LARP4B: variants seen among roughly 807,000 people sequenced by gnomAD.
LARP4B encodes la-related protein 4B.
LARP4B carries 12 observed loss-of-function variants against 89.8 expected under a neutral mutation model. The observed-to-expected ratio is 0.13, with a 90% CI of 0.09 to 0.22. The LOEUF is 0.22. LARP4B is among the 10% of genes least tolerant of loss of function. LARP4B has a pLI of 1.00. For synonymous variants in LARP4B, 367 were observed against 363.3 expected (o/e 1.01, Z -0.12); for missense variants, 757 against 947.7 (o/e 0.80, Z 2.64).
chr10:887,001 C>T (rs1436599572), intron 1 of LARP4B, among the ~76,000 whole-genome samples: 3 of 152,092 alleles, frequency 2.0e-5, no homozygotes, highest in African/African-American at 7.2e-5. Flanking sequence ...GCACAAGAAT[C>T]GCTTGAACCC....
At position 872,950 on chromosome 10, in the gene LARP4B, C is replaced by T. The variant is rs761963974; in HGVS notation, c.142-8680G>A. On this transcript the variant is annotated intron_variant, in intron 3 of 17. Coordinates refer to ENST00000316157, the MANE Select transcript of LARP4B (RefSeq NM_015155.3). ...CAGACCCTGCGAAAATCCTTGTCCGCGCGCTAACGCCAGCTACACTGCTGG... is the reference window on the plus strand; with the variant it reads ...CAGACCCTGCGAAAATCCTTGTCCGTGCGCTAACGCCAGCTACACTGCTGG... The T allele has an allele frequency of 1.7e-5, 15 of 877,868 alleles. No homozygotes were observed. In the South Asian group the frequency reaches 4.2e-4, roughly 24 times the overall value. 54.4% of individuals were successfully genotyped at this position (877,868 alleles called of 1,614,324 possible).
intron 1 of LARP4B, among the ~76,000 whole-genome samples, chr10:899,956 A>G (rs1836289213): frequency 6.6e-6 from 1 of 152,212 alleles, no homozygotes; most frequent in East Asian, 1.9e-4. Flanking sequence ...AAATTTGTAG[A>G]AAACAGTTTA....
chr10:949,923 G>A, the LARP4B span, among the ~76,000 whole-genome samples: 2 of 152,232 alleles, frequency 1.3e-5, no homozygotes, highest in African/African-American at 2.4e-5. Flanking sequence ...CTACAGGTGC[G>A]TGCCACCACG....
chr10:869,440 A>C (rs1281953143), intron 3 of LARP4B, among the ~76,000 whole-genome samples: 1 of 152,200 alleles, frequency 6.6e-6, no homozygotes, highest in African/African-American at 2.4e-5. Context: ...TGCTAACAAG[A>C]GTTTGCACAC....
At chr10:908,026 T>G (rs1836541935) in intron 1 of LARP4B, among the ~76,000 whole-genome samples, 1 of 152,104 alleles carries the variant, frequency 6.6e-6, no homozygotes, top group Admixed American at 6.5e-5. Flanking sequence ...GCCAACATGG[T>G]GAAACCCCAT....
At chr10:813,330 C>T (rs3763722) in intron 17 of LARP4B, 117 bp from the exon 18 acceptor site, 420,651 of 1,038,608 alleles carry the variant, frequency 0.41, 88,757 homozygotes, top group South Asian at 0.45. Flanking sequence ...TCCATCTTCA[C>T]TAGTGTTTTT....
intron 1 of LARP4B, among the ~76,000 whole-genome samples, chr10:908,776 G>A (rs563394878): frequency 6.6e-6 from 1 of 152,320 alleles, no homozygotes; most frequent in African/African-American, 2.4e-5. Flanking sequence ...TGAAAGCTAT[G>A]AAACAGAATT....
chr10:981,521 A>T, the LARP4B span, among the ~76,000 whole-genome samples: 1 of 152,208 alleles, frequency 6.6e-6, no homozygotes, highest in Admixed American at 6.5e-5. Context: ...ATATTTAGAT[A>T]ACTTTAAAGG....
chr10:823,907 T>C (rs1056443945), intron 13 of LARP4B, among the ~76,000 whole-genome samples: 3 of 152,156 alleles, frequency 2.0e-5, no homozygotes, highest in Admixed American at 6.5e-5. Context: ...TCCCAGACCA[T>C]GGTGCCTTCC....
intron 1 of LARP4B, among the ~76,000 whole-genome samples, chr10:930,980 C>T (rs1830573446): frequency 6.7e-6 from 1 of 149,928 alleles, no homozygotes; most frequent in Admixed American, 6.6e-5. Flanking sequence ...CCCGCCCAGG[C>T]CCTGCCCGAC....
At chr10:959,140 A>G in the LARP4B span, among the ~76,000 whole-genome samples, 17 of 152,252 alleles carry the variant, frequency 1.1e-4, no homozygotes, top group Admixed American at 4.6e-4. Flanking sequence ...GAGTTTGGAT[A>G]TAGAGTTTGT....
At chr10:851,711 G>T (rs1412362980) in intron 5 of LARP4B, among the ~76,000 whole-genome samples, 1 of 152,132 alleles carries the variant, frequency 6.6e-6, no homozygotes, top group Non-Finnish European at 1.5e-5. Flanking sequence ...CCCTCAAGAA[G>T]AAATAAATGA....
At chr10:921,417 C>T (rs879720670) in intron 1 of LARP4B, among the ~76,000 whole-genome samples, 13 of 152,276 alleles carry the variant, frequency 8.5e-5, no homozygotes, top group East Asian at 3.9e-4. Context: ...TTATGTTGAG[C>T]TGTAACTTCA....
intron 1 of LARP4B, among the ~76,000 whole-genome samples, chr10:924,586 G>A (rs1203873286): frequency 6.6e-6 from 1 of 152,192 alleles, no homozygotes; most frequent in Non-Finnish European, 1.5e-5. Flanking sequence ...TCCCAGCCGC[G>A]TTCTCTTCCT....
intron 1 of LARP4B, among the ~76,000 whole-genome samples, chr10:916,019 CGA>C (rs1836810635): frequency 6.6e-6 from 1 of 152,026 alleles, no homozygotes; most frequent in Admixed American, 6.6e-5. Flanking sequence ...CCTGGAAGTC[CGA>C]GAGAGACCTA....
At chr10:955,648 C>T in the LARP4B span, among the ~76,000 whole-genome samples, 1 of 152,254 alleles carries the variant, frequency 6.6e-6, no homozygotes, top group African/African-American at 2.4e-5. This position sits in a 1 kb window ranked among gnomAD's most constrained non-coding sequence, Gnocchi z 5.2. Flanking sequence ...TTTGCTAACA[C>T]CATGGTTATT....
chr10:869,698 C>T (rs11812523), intron 3 of LARP4B, among the ~76,000 whole-genome samples: 23,952 of 151,692 alleles, frequency 0.16, 2,048 homozygotes, highest in Non-Finnish European at 0.19. Context: ...ACCGGCCTGG[C>T]CAACATGGCG....
the LARP4B span, among the ~76,000 whole-genome samples, chr10:979,630 C>T: frequency 4.6e-5 from 7 of 152,264 alleles, no homozygotes; most frequent in African/African-American, 1.7e-4. Flanking sequence ...TTAACTGGGT[C>T]CTTTGTCATC....
rs367981167 is a variant in LARP4B, at chr10:907,933, C to T, written c.-39-22173G>A. The stretch of plus-strand genomic sequence containing the variant: ...TTCCACAAAAACCCTAGGCTGGGTG[C>T]GGTGGCTCACGCCTGTAATCCTAGC... On this transcript the variant is annotated intron_variant, in intron 1 of 17. Transcript: ENST00000316157. 8.9e-4 allele frequency among the ~76,000 whole-genome samples: 136 copies of T among 152,300 alleles called. No individual in the cohort carries two copies. In the South Asian group the frequency reaches 0.01, roughly 12 times the overall value.
Sources: allele counts gnomAD v4.1 joint callset (sites outside exome capture counted in the v4.1 genomes callset), GRCh38; gene constraint gnomAD v4.1.1; non-coding constraint Gnocchi (gnomAD v3.1); transcripts MANE v1.5; gene names NCBI Gene and HGNC (gene_info 2026-07-23, HGNC 2026-07-21).